ANKRD12: variants seen among roughly 807,000 people sequenced by gnomAD.
ANKRD12 encodes ankyrin repeat domain 12.
In ANKRD12, 85 loss-of-function variants were observed where a neutral mutation model predicts 183.4. The observed-to-expected ratio is 0.46, with a 90% CI of 0.39 to 0.56. The LOEUF (loss-of-function observed/expected upper bound fraction) is 0.56, where lower values mean the gene tolerates loss of function less well. Ranked by LOEUF, ANKRD12 falls within the 20% of genes least tolerant of loss-of-function variation. The probability of loss-of-function intolerance (pLI) is 0.00; values close to 1 mark genes in which losing one functional copy is unlikely to be tolerated. For synonymous variants in ANKRD12, 914 were observed against 800.2 expected, an observed-to-expected ratio of 1.14 and a Z score of -2.40; for missense variants, 2,405 against 2,357.1, an observed-to-expected ratio of 1.02 and a Z score of -0.42.
intron 10 of ANKRD12, among the ~76,000 whole-genome samples, chr18:9,265,784 G>A (rs190378811): frequency 1.2e-3 from 187 of 152,284 alleles, no homozygotes; most frequent in African/African-American, 4.3e-3. Flanking sequence ...TGACTTTTAC[G>A]AGTTAAGAGA....
At chr18:9,150,206 A>G (rs574263496) in intron 1 of ANKRD12, among the ~76,000 whole-genome samples, 17 of 152,144 alleles carry the variant, frequency 1.1e-4, no homozygotes, top group Non-Finnish European at 2.4e-4. Context: ...TACTGGATTG[A>G]GCTTGTGTCC....
chr18:9,147,637 G>C lies in ANKRD12; in HGVS notation c.-52+10672G>C, dbSNP rs73390135. Among the ~76,000 whole-genome samples, 536 of 152,270 alleles carry C rather than the reference G, an allele frequency of 3.5e-3. 2 individuals are homozygous for C. The highest frequency in any genetic ancestry group is 0.012 in the African/African-American group (498 of 41,554). Reference sequence around the variant, plus strand: ...TGTTGCACATCGTATATAGTAGTGAGAGCAGTGTGACTAGAGGAGTTGAAA... The same window carrying C: ...TGTTGCACATCGTATATAGTAGTGACAGCAGTGTGACTAGAGGAGTTGAAA... On this transcript the variant is annotated intron_variant, in intron 1 of 12. Coordinates refer to ENST00000262126, the MANE Select transcript of ANKRD12 (RefSeq NM_015208.5).
At chr18:9,274,904 C>A (rs2039760054) in intron 10 of ANKRD12, among the ~76,000 whole-genome samples, 1 of 152,024 alleles carries the variant, frequency 6.6e-6, no homozygotes. Flanking sequence ...AATATGTTGG[C>A]CAGGTATGTG....
intron 8 of ANKRD12, among the ~76,000 whole-genome samples, chr18:9,239,314 C>G (rs1482567311): frequency 6.6e-6 from 1 of 152,128 alleles, no homozygotes; most frequent in Admixed American, 6.5e-5. Context: ...TATAAACTTG[C>G]TTTTAGAAAG....
At chr18:9,157,560 T>G (rs1027223591) in intron 1 of ANKRD12, among the ~76,000 whole-genome samples, 1 of 103,272 alleles carries the variant, frequency 9.7e-6, no homozygotes, top group Non-Finnish European at 1.8e-5. Flanking sequence ...GGTGTGTGTG[T>G]GTGTGTGTGT....
intron 1 of ANKRD12, among the ~76,000 whole-genome samples, chr18:9,142,722 AG>A (rs1406322605): frequency 6.6e-6 from 1 of 152,012 alleles, no homozygotes; most frequent in East Asian, 1.9e-4. Context: ...TCTCTACTAA[AG>A]AATACAAAAA....
In ANKRD12 at chr18:9,257,650, A is replaced by G; in HGVS notation, c.4383A>G (p.Glu1461=). The part of the protein sequence containing the change: ...FCNSENKVLK[E]NADFLSLRQT... ...ATTCTGAAAATAAGGTATTGAAAGA[A>G]AATGCTGATTTTTTATCCCTGCGCC... The change falls in exon 9 of 13, where the codon GAA becomes GAG. Residue 1461 remains glutamate (E), a synonymous_variant. Transcript: ENST00000262126. The G allele has an allele frequency of 6.2e-7, 1 of 1,613,928 alleles. No homozygotes were observed. Among genetic ancestry groups the G allele is most frequent in the Non-Finnish European group, 8.5e-7 (1 of 1,179,936 alleles).
chr18:9,182,343 T>G, intron 1 of ANKRD12, 39 bp from the exon 2 acceptor site: 1 of 270,818 alleles, frequency 3.7e-6, no homozygotes, highest in Non-Finnish European at 6.3e-6. Context: ...ACCTATTGTA[T>G]ATATATTCAA....
chr18:9,212,981 A>G (rs1428795190), intron 6 of ANKRD12, among the ~76,000 whole-genome samples: 2 of 151,838 alleles, frequency 1.3e-5, no homozygotes, highest in Admixed American at 6.6e-5. Context: ...GATTTTCTCT[A>G]TCAAATATGT....
intron 5 of ANKRD12, among the ~76,000 whole-genome samples, chr18:9,210,262 C>T (rs12605173): frequency 0.78 from 119,023 of 152,002 alleles, 46,831 homozygotes; most frequent in Middle Eastern, 0.88. Flanking sequence ...ATAAGGATTA[C>T]ATTAAAATTT....
At chr18:9,187,655 C>T (rs1310814182) in intron 2 of ANKRD12, among the ~76,000 whole-genome samples, 1 of 152,124 alleles carries the variant, frequency 6.6e-6, no homozygotes, top group Non-Finnish European at 1.5e-5. Flanking sequence ...ATGTTCACAC[C>T]TTTCACTGCT....
At chr18:9,264,180 GC>G (rs2039146333) in intron 10 of ANKRD12, among the ~76,000 whole-genome samples, 1 of 152,148 alleles carries the variant, frequency 6.6e-6, no homozygotes, top group African/African-American at 2.4e-5. Flanking sequence ...GGAACATTTG[GC>G]TTTCCAAGTT....
chr18:9,189,698 AAC>A (rs1452804238), intron 2 of ANKRD12, among the ~76,000 whole-genome samples: 1 of 152,216 alleles, frequency 6.6e-6, no homozygotes, highest in East Asian at 1.9e-4. Context: ...TCAATGGAAA[AAC>A]AGTGCCTAAT....
intron 4 of ANKRD12, 67 bp downstream of exon 4, chr18:9,204,611 AC>A: frequency 1.7e-6 from 2 of 1,156,990 alleles, no homozygotes; most frequent in Non-Finnish European, 2.5e-6. Context: ...TAATTATTGT[AC>A]TATAAGTAAC....
At chr18:9,259,065 T>C (rs950244128) in intron 9 of ANKRD12, 134 bp downstream of exon 9, 32 of 1,050,152 alleles carry the variant, frequency 3.0e-5, no homozygotes, top group Middle Eastern at 4.7e-4. Context: ...AGTCGAGATA[T>C]AAAGCTAGTA....
intron 2 of ANKRD12, among the ~76,000 whole-genome samples, chr18:9,194,838 AC>A (rs2034676402): frequency 6.6e-6 from 1 of 152,144 alleles, no homozygotes; most frequent in Non-Finnish European, 1.5e-5. Flanking sequence ...ATTTTTGTTT[AC>A]CCAAAAGAAT....
intron 8 of ANKRD12, among the ~76,000 whole-genome samples, chr18:9,237,927 A>C (rs927136264): frequency 6.6e-6 from 1 of 152,222 alleles, no homozygotes. Context: ...CCGTTTATTT[A>C]ATCATTTATG....
At position 9,251,809 on chromosome 18, in the gene ANKRD12, A is replaced by G. The variant is rs551763101; in HGVS notation, c.944-2402A>G. ...CTCCATCTCAAAAAAAAGAAAAAAGAAAAATGCCTTAATAAAAATTTTAAT... is the reference window on the plus strand; with the variant it reads ...CTCCATCTCAAAAAAAAGAAAAAAGGAAAATGCCTTAATAAAAATTTTAAT... On this transcript the variant is annotated intron_variant, in intron 8 of 12. Coordinates refer to ENST00000262126, the MANE Select transcript of ANKRD12 (RefSeq NM_015208.5). Among the ~76,000 whole-genome samples the G allele has an allele frequency of 3.3e-5, 5 of 152,298 alleles. No individual in the cohort carries two copies. The South Asian group carries it at 1.0e-3, about 32-fold the overall frequency.
chr18:9,259,434 C>T (rs143931365), intron 9 of ANKRD12: 3,085 of 150,458 alleles, frequency 0.021, 50 homozygotes, highest in Admixed American at 0.052. Context: ...TTAACATAGA[C>T]ACATTTATGT....
Sources: allele counts gnomAD v4.1 joint callset (sites outside exome capture counted in the v4.1 genomes callset), GRCh38; gene constraint gnomAD v4.1.1; transcripts MANE v1.5; gene names NCBI Gene and HGNC (gene_info 2026-07-23, HGNC 2026-07-21).